HYDIN: variants seen among roughly 807,000 people sequenced by gnomAD.
HYDIN encodes HYDIN axonemal central pair apparatus protein.
In HYDIN, 132 loss-of-function variants were observed where a neutral mutation model predicts 403.9. That is an observed-to-expected ratio of 0.33 (90% CI 0.28 to 0.38). The LOEUF is 0.38. Ranked by LOEUF, HYDIN falls within the 10% of genes least tolerant of loss-of-function variation. The pLI is 1.00. For missense variants in HYDIN, 2,827 were observed against 5,009.5 expected (o/e 0.56, Z 13.15); for synonymous variants, 1,202 against 1,891.7 (o/e 0.64, Z 9.46).
At chr16:70,891,169 A>G (rs1385355444) in intron 57 of HYDIN, among the ~76,000 whole-genome samples, 3 of 152,128 alleles carry the variant, frequency 2.0e-5, no homozygotes, top group Admixed American at 6.5e-5. Flanking sequence ...TTTCGTGTAT[A>G]GTATTTAAAA....
chr16:71,200,568 T>C (rs2087948893), intron 1 of HYDIN, among the ~76,000 whole-genome samples: 1 of 152,222 alleles, frequency 6.6e-6, no homozygotes, highest in Non-Finnish European at 1.5e-5. Flanking sequence ...TTACCTGAGA[T>C]GGACATTTAG....
At chr16:71,201,594 G>A (rs2069081) in intron 1 of HYDIN, among the ~76,000 whole-genome samples, 4,519 of 152,268 alleles carry the variant, frequency 0.03, 200 homozygotes, top group African/African-American at 0.1. Flanking sequence ...ATTTTGGGGT[G>A]AACTGCTGCA....
At chr16:71,150,802 A>G (rs185234769) in intron 7 of HYDIN, among the ~76,000 whole-genome samples, 2 of 152,364 alleles carry the variant, frequency 1.3e-5, no homozygotes, top group East Asian at 3.9e-4. Context: ...TATTAATAAT[A>G]CATACATCTG....
chr16:70,883,050 G>A lies in HYDIN; in HGVS notation c.9980-155C>T, dbSNP rs555868208. Reference sequence around the variant, plus strand: ...GGGTGTGAGGGATGGGAAACATTCTGTCTTGTCTTCCTCTTTTGTACAGTC... The same window carrying A: ...GGGTGTGAGGGATGGGAAACATTCTATCTTGTCTTCCTCTTTTGTACAGTC... On this transcript the variant is annotated intron_variant, in intron 59 of 85. Coordinates refer to ENST00000393567, the MANE Select transcript of HYDIN (RefSeq NM_001270974.2). 9.8e-5 allele frequency among the ~76,000 whole-genome samples: 15 copies of A among 152,340 alleles called. No homozygotes were observed. In the East Asian group the frequency reaches 2.7e-3, roughly 27 times the overall value.
At chr16:70,861,037 G>A (rs2039379368) in intron 69 of HYDIN, 136 bp from the exon 70 acceptor site, 3 of 623,978 alleles carry the variant, frequency 4.8e-6, no homozygotes, top group Non-Finnish European at 8.6e-6. Context: ...TTGGTCAATA[G>A]CATCACTCAG....
In HYDIN at chr16:70,868,629, T is replaced by C; in HGVS notation, c.11251A>G (p.Thr3751Ala). Residue 3751 changes from threonine (T) to alanine (A), a missense_variant, in exon 66 of 86, where the codon ACA becomes GCA. By Grantham distance (58) the Thr-to-Ala change is moderately conservative. Transcript: ENST00000393567. ...CTGGGTACGTCCACCCACTTGACTGTGTGCATGCGGTCATCCCAGTCGGGG... is the reference window on the plus strand; with the variant it reads ...CTGGGTACGTCCACCCACTTGACTGCGTGCATGCGGTCATCCCAGTCGGGG... The part of the protein sequence containing the change: ...QVPDWDDRMH[T>A]VKWVDVPRNM... 1 of 1,613,976 alleles carries C rather than the reference T, an allele frequency of 6.2e-7. No homozygotes were observed. The highest frequency in any genetic ancestry group is 8.5e-7 in the Non-Finnish European group (1 of 1,180,000).
chr16:70,938,382 A>G (rs1307949235), intron 44 of HYDIN, among the ~76,000 whole-genome samples: 1 of 152,222 alleles, frequency 6.6e-6, no homozygotes, highest in Non-Finnish European at 1.5e-5. Context: ...CTGGTCCCAA[A>G]TGCCCGCCAG....
chr16:71,227,858 T>A (rs2041109151), intron 1 of HYDIN, among the ~76,000 whole-genome samples: 1 of 152,076 alleles, frequency 6.6e-6, no homozygotes, highest in African/African-American at 2.4e-5. Flanking sequence ...GCCAAGACAA[T>A]CCTAAGCCAA....
At chr16:71,198,466 A>C (rs2087816197) in intron 1 of HYDIN, among the ~76,000 whole-genome samples, 1 of 152,046 alleles carries the variant, frequency 6.6e-6, no homozygotes, top group Non-Finnish European at 1.5e-5. Flanking sequence ...TCTTGCTTGT[A>C]GTTGTGAAGA....
At chr16:71,098,638 A>T (rs1353260599) in intron 10 of HYDIN, among the ~76,000 whole-genome samples, 1 of 151,980 alleles carries the variant, frequency 6.6e-6, no homozygotes, top group Non-Finnish European at 1.5e-5. Context: ...ATGGCAAAGA[A>T]AGAGAATTGC....
intron 16 of HYDIN, among the ~76,000 whole-genome samples, chr16:71,064,084 G>A (rs1216928110): frequency 1.6e-5 from 2 of 127,930 alleles, no homozygotes; most frequent in Non-Finnish European, 3.6e-5. Context: ...CTATAACTGA[G>A]TTTTATACCC....
At position 70,840,180 on chromosome 16, in the gene HYDIN, C is replaced by T. The variant is rs1414826117; in HGVS notation, c.12927G>A (p.Pro4309=). ...AGCTGGTGAAGGAGAAATGGATAGC[C>T]GGGCTCACAGCACAGCCTGAGATGT... ...MCNISGCAVS[P]AIHFSFTSYN... Residue 4309 remains proline (P), a synonymous_variant, in exon 76 of 86, where the codon CCG becomes CCA. Coordinates refer to ENST00000393567, the MANE Select transcript of HYDIN (RefSeq NM_001270974.2). 3.7e-5 allele frequency: 36 copies of T among 964,990 alleles called. No homozygotes were observed. The highest frequency in any genetic ancestry group is 5.3e-5 in the Admixed American group (2 of 37,658). The allele number at this position is 964,990 out of a possible 1,614,324, so 59.8% of individuals were successfully genotyped here.
At chr16:70,960,981 T>C (rs1222967645) in intron 38 of HYDIN, among the ~76,000 whole-genome samples, 1 of 152,242 alleles carries the variant, frequency 6.6e-6, no homozygotes, top group African/African-American at 2.4e-5. Context: ...GTGAGCCACC[T>C]TGCCCGGCCT....
At chr16:71,038,400 CAT>C (rs1253054510) in intron 18 of HYDIN, among the ~76,000 whole-genome samples, 6 of 152,058 alleles carry the variant, frequency 3.9e-5, no homozygotes, top group Non-Finnish European at 8.8e-5. Context: ...ATTGTTTGCA[CAT>C]GTCACCGCAA....
intron 50 of HYDIN, among the ~76,000 whole-genome samples, chr16:70,907,037 C>T (rs1045064550): frequency 3.3e-5 from 5 of 152,054 alleles, no homozygotes; most frequent in African/African-American, 1.2e-4. Flanking sequence ...CCTTTGAGAA[C>T]CAAAGCTGTA....
chr16:71,102,334 T>C (rs934255690), intron 10 of HYDIN, among the ~76,000 whole-genome samples: 1 of 152,104 alleles, frequency 6.6e-6, no homozygotes, highest in African/African-American at 2.4e-5. Flanking sequence ...AAATATTATT[T>C]TGTGTAATTT....
At chr16:70,937,159 CGT>C (rs1407756466) in intron 44 of HYDIN, among the ~76,000 whole-genome samples, 2 of 146,694 alleles carry the variant, frequency 1.4e-5, no homozygotes, top group Non-Finnish European at 3.0e-5. Flanking sequence ...TGTGTGTGCG[CGT>C]GTGTGGTGTG....
chr16:70,806,922 G>A lies in HYDIN; in HGVS notation c.*658C>T, dbSNP rs1300609214. Among the ~76,000 whole-genome samples, 2 of 152,140 alleles carry A rather than the reference G, an allele frequency of 1.3e-5. No homozygotes were observed. The highest frequency in any genetic ancestry group is 4.8e-5 in the African/African-American group (2 of 41,428). On this transcript the variant is annotated 3_prime_UTR_variant, in exon 86 of 86. Transcript: ENST00000393567. ...TCTCCTGCTGAATGCTATCCAAGGC[G>A]GGGTGTGTATGTGTGGTGGGGGGAG...
chr16:71,222,422 G>C (rs2040845502), intron 1 of HYDIN, among the ~76,000 whole-genome samples: 1 of 151,990 alleles, frequency 6.6e-6, no homozygotes, highest in Admixed American at 6.6e-5. Flanking sequence ...GTGAGAACTA[G>C]AACAAGACAA....
Sources: allele counts gnomAD v4.1 joint callset (sites outside exome capture counted in the v4.1 genomes callset), GRCh38; gene constraint gnomAD v4.1.1; transcripts MANE v1.5; gene names NCBI Gene and HGNC (gene_info 2026-07-23, HGNC 2026-07-21).